MRPL16: variants seen among roughly 807,000 people sequenced by gnomAD.
The protein encoded by MRPL16 is large ribosomal subunit protein uL16m.
Under a neutral mutation model 22.7 loss-of-function variants are expected in MRPL16, and 17 were observed. That is an observed-to-expected ratio of 0.75 (90% CI 0.51 to 1.12). The LOEUF (loss-of-function observed/expected upper bound fraction) is 1.12, where lower values mean the gene tolerates loss of function less well. Among genes scored for constraint, MRPL16 ranks in the 50% most tolerant of loss-of-function variants. The probability of loss-of-function intolerance (pLI) is 0.00; values close to 1 mark genes in which losing one functional copy is unlikely to be tolerated. For synonymous variants in MRPL16, 103 were observed against 112.8 expected (o/e 0.91, Z 0.55); for missense variants, 316 against 328.7 (o/e 0.96, Z 0.30).
At chr11:59,806,867 G>A in intron 3 of MRPL16, 35 bp from the exon 4 acceptor site, 1 of 1,586,732 alleles carries the variant, frequency 6.3e-7, no homozygotes, top group Non-Finnish European at 8.6e-7. Flanking sequence ...AACACATGCG[G>A]ACTTCGACAT....
chr11:59,806,380 G>A lies in MRPL16; in HGVS notation c.723C>T (p.Tyr241=), dbSNP rs1565200728. 1 of 1,614,196 alleles carries A rather than the reference G, an allele frequency of 6.2e-7. No individual in the cohort carries two copies. The highest frequency in any genetic ancestry group is 1.7e-5 in the Admixed American group (1 of 60,032). Residue 241 remains tyrosine, a synonymous_variant, in exon 4 of 4, where the codon TAC becomes TAT. Coordinates refer to ENST00000300151, the MANE Select transcript of MRPL16 (RefSeq NM_017840.4). ...GTTTGGGCATGTAGAACTTGCCCCA[G>A]TATTTCCCCTTGTGGGTCAAGTCAT... The part of the protein sequence containing the change: ...SPYDLTHKGK[Y]WGKFYMPKRV
Position 59,810,754 on chromosome 11 carries a change from G to A in MRPL16, c.-96C>T. On this transcript the variant is annotated 5_prime_UTR_variant, in exon 1 of 4. Transcript: ENST00000300151. ...GGCGCTCCACTACCTAGCTGTAATCGGCTCAGGACACCGCTCAGTGGGGCC... is the reference window on the plus strand; with the variant it reads ...GGCGCTCCACTACCTAGCTGTAATCAGCTCAGGACACCGCTCAGTGGGGCC... 1.4e-6 allele frequency: 2 copies of A among 1,395,106 alleles called. No individual in the cohort carries two copies. Among genetic ancestry groups the A allele is most frequent in the Admixed American group, 1.8e-5 (1 of 56,014 alleles). 86.4% of individuals were successfully genotyped at this position (1,395,106 alleles called of 1,614,324 possible). A position where few individuals can be genotyped will look rare whatever the true frequency, so the allele number is the denominator to read the frequency against.
At chr11:59,809,306 G>T (rs1144728) in intron 2 of MRPL16, among the ~76,000 whole-genome samples, 1,884 of 150,118 alleles carry the variant, frequency 0.013, 40 homozygotes, top group African/African-American at 0.043. Flanking sequence ...AAAAGTTCAG[G>T]TTTTTTTTTT....
chr11:59,810,726 A>C lies in MRPL16; in HGVS notation c.-68T>G. ...GGCTGTCTCCTGCACCCAGGTAAGC[A>C]GCGGCGCTCCACTACCTAGCTGTAA... is the stretch of plus-strand genomic sequence containing the variant. On this transcript the variant is annotated 5_prime_UTR_variant, in exon 1 of 4. Transcript: ENST00000300151. 6.3e-7 allele frequency: 1 copy of C among 1,590,040 alleles called. No homozygotes were observed. The highest frequency in any genetic ancestry group is 8.6e-7 in the Non-Finnish European group (1 of 1,159,822).
intron 3 of MRPL16, 41 bp from the exon 4 acceptor site, chr11:59,806,873 G>A (rs749478864): frequency 8.2e-6 from 13 of 1,581,366 alleles, no homozygotes; most frequent in African/African-American, 8.1e-5. Context: ...TGCGGACTTC[G>A]ACATCATCTA....
chr11:59,806,213 T>A lies in MRPL16; in HGVS notation c.*134A>T. 1 of 958,986 alleles carries A rather than the reference T, an allele frequency of 1.0e-6. No homozygotes were observed. 59.4% of individuals were successfully genotyped at this position (958,986 alleles called of 1,614,324 possible). Reference sequence around the variant, plus strand: ...TTAAATCAACAAATAACATTGTTTTTCAGAAATCTACTCAAATGCTGCTCC... The same window carrying A: ...TTAAATCAACAAATAACATTGTTTTACAGAAATCTACTCAAATGCTGCTCC... On this transcript the variant is annotated 3_prime_UTR_variant, in exon 4 of 4. Transcript: ENST00000300151.
chr11:59,807,943 T>A, intron 2 of MRPL16, 94 bp from the exon 3 acceptor site: 1 of 1,360,842 alleles, frequency 7.3e-7, no homozygotes, highest in Non-Finnish European at 9.8e-7. Context: ...AAAGTCTTAA[T>A]TTCTTTCTTC....
At chr11:59,809,525 G>T in intron 2 of MRPL16, 1 of 284,826 alleles carries the variant, frequency 3.5e-6, no homozygotes, top group South Asian at 3.4e-5. Context: ...GATTACAGGC[G>T]TGAGCCACCA....
Position 59,806,208 on chromosome 11 carries a change from G to GT in MRPL16, c.*138dup. On this transcript the variant is annotated 3_prime_UTR_variant, in exon 4 of 4. Coordinates refer to ENST00000300151, the MANE Select transcript of MRPL16 (RefSeq NM_017840.4). ...TCTTTTTAAATCAACAAATAACATT[G>GT]TTTTTCAGAAATCTACTCAAATGCT... 1.1e-6 allele frequency: 1 copy of GT among 917,482 alleles called. No individual in the cohort carries two copies. The highest frequency in any genetic ancestry group is 1.6e-6 in the Non-Finnish European group (1 of 611,960). The allele number at this position is 917,482 out of a possible 1,614,324, so 56.8% of individuals were successfully genotyped here. A position where few individuals can be genotyped will look rare whatever the true frequency, so the allele number is the denominator to read the frequency against.
intron 3 of MRPL16, 127 bp downstream of exon 3, chr11:59,807,574 T>G: frequency 9.0e-7 from 1 of 1,110,248 alleles, no homozygotes; most frequent in Non-Finnish European, 1.3e-6. Flanking sequence ...ACATACCAGT[T>G]TAAAGAGCAA....
chr11:59,807,529 A>C (rs1590847140), intron 3 of MRPL16, 172 bp downstream of exon 3: 1 of 564,494 alleles, frequency 1.8e-6, no homozygotes, highest in Non-Finnish European at 2.9e-6. Flanking sequence ...AAGATATATA[A>C]CCCAAATGTT....
At chr11:59,809,104 G>A (rs534861356) in intron 2 of MRPL16, among the ~76,000 whole-genome samples, 3 of 152,166 alleles carry the variant, frequency 2.0e-5, no homozygotes, top group Admixed American at 1.3e-4. Context: ...CTTTCAAAAC[G>A]TGGTTTAACA....
In MRPL16 at chr11:59,807,776, T is replaced by A. The variant is rs1472771547; in HGVS notation, c.195A>T (p.Glu65Asp). Residue 65 changes from glutamate (E) to aspartate (D), a missense_variant, in exon 3 of 4, where the codon GAA becomes GAT. Coordinates refer to ENST00000300151, the MANE Select transcript of MRPL16 (RefSeq NM_017840.4). The part of the protein sequence containing the change: ...RAPLVPKVRR[E>D]PKNLSDIRGP... Reference sequence around the variant, plus strand: ...CCCGTATGTCACTTAAATTTTTAGGTTCTCTTCTTACTTTTGGCACAAGTG... The same window carrying A: ...CCCGTATGTCACTTAAATTTTTAGGATCTCTTCTTACTTTTGGCACAAGTG... 6.2e-7 allele frequency: 1 copy of A among 1,613,744 alleles called. No homozygotes were observed. Among genetic ancestry groups the A allele is most frequent in the East Asian group, 2.2e-5 (1 of 44,872 alleles).
rs1461919223 is a variant in MRPL16 at position 59,806,579 on chromosome 11, A to G, written c.524T>C (p.Phe175Ser). The G allele has an allele frequency of 2.5e-6, 4 of 1,614,236 alleles. No individual in the cohort carries two copies. ...CAACTTGTGGGCAACCTGGTCAAGG[A>G]AACCTTGCACTTCTTCAAATTCACA... ...GRCEFEEVQG[F>S]LDQVAHKLPF... Residue 175 changes from phenylalanine (F) to serine (S), a missense_variant, in exon 4 of 4, where the codon TTC becomes TCC. Transcript: ENST00000300151.
chr11:59,810,276 T>A, intron 1 of MRPL16: 1 of 1,251,508 alleles, frequency 8.0e-7, no homozygotes, highest in Non-Finnish European at 1.0e-6. Context: ...CCCAAAGTGC[T>A]GCTATTAAAG....
Position 59,806,490 on chromosome 11 carries a change from T to C in MRPL16, c.613A>G (p.Arg205Gly). 6 of 1,614,252 alleles carry C rather than the reference T, an allele frequency of 3.7e-6. No individual in the cohort carries two copies. The South Asian group carries it at 6.6e-5, about 18-fold the overall frequency. ...CAGGGGTTCTGGTTGTTACGTTCTC[T>C]TTCCTCTTGATCTTTTCGCATCTTC... Reference protein sequence around the residue: ...LEKMRKDQEERERNNQNPWTF... With the variant: ...LEKMRKDQEEGERNNQNPWTF... The change falls in exon 4 of 4, where the codon AGA (arginine) becomes GGA (glycine). Residue 205 changes from arginine (R) to glycine (G), a missense_variant. Physicochemically the swap from Arg to Gly is moderately radical, Grantham distance 125. Coordinates refer to ENST00000300151, the MANE Select transcript of MRPL16 (RefSeq NM_017840.4).
Position 59,810,777 on chromosome 11 carries a change from G to A in MRPL16, c.-119C>T. ...TCGGCTCAGGACACCGCTCAGTGGG[G>A]CCGGAAGTTGTGTTCACTCGGGTCC... On this transcript the variant is annotated 5_prime_UTR_variant, in exon 1 of 4. Transcript: ENST00000300151. 9.0e-7 allele frequency: 1 copy of A among 1,117,290 alleles called. No homozygotes were observed. Among genetic ancestry groups the A allele is most frequent in the Non-Finnish European group, 1.3e-6 (1 of 769,478 alleles). The allele number at this position is 1,117,290 out of a possible 1,614,324, so 69.2% of individuals were successfully genotyped here. A position where few individuals can be genotyped will look rare whatever the true frequency, so the allele number is the denominator to read the frequency against.
chr11:59,810,084 C>T (rs1235223466), intron 1 of MRPL16, 164 bp from the exon 2 acceptor site: 2 of 642,688 alleles, frequency 3.1e-6, no homozygotes, highest in East Asian at 6.9e-5. Flanking sequence ...CGGCTCACTG[C>T]AACCTCCGCC....
chr11:59,810,586 C>A lies in MRPL16; in HGVS notation c.55+18G>T. ...GGAAGAGGGGTAAAGTCTTTAGGAA[C>A]CAAAAGGGACTTCTGACCTGACAAG... On this transcript the variant is annotated intron_variant, in intron 1 of 3. Coordinates refer to ENST00000300151, the MANE Select transcript of MRPL16 (RefSeq NM_017840.4). 1 of 1,614,058 alleles carries A rather than the reference C, an allele frequency of 6.2e-7. No individual in the cohort carries two copies. The highest frequency in any genetic ancestry group is 8.5e-7 in the Non-Finnish European group (1 of 1,179,924).
Sources: allele counts gnomAD v4.1 joint callset (sites outside exome capture counted in the v4.1 genomes callset), GRCh38; gene constraint gnomAD v4.1.1; transcripts MANE v1.5; gene names NCBI Gene and HGNC (gene_info 2026-07-23, HGNC 2026-07-21).